Variants in GALNTL5 observed in about 807,000 individuals in gnomAD.
The protein encoded by GALNTL5 is polypeptide N-acetylgalactosaminyltransferase like 5, also known as inactive polypeptide N-acetylgalactosaminyltransferase-like protein 5.
Under a neutral mutation model 51.0 loss-of-function variants are expected in GALNTL5, and 44 were observed. That is an observed-to-expected ratio of 0.86 (90% CI 0.68 to 1.11). The LOEUF (loss-of-function observed/expected upper bound fraction) is 1.11, where lower values mean the gene tolerates loss of function less well. GALNTL5 is among the 50% of genes least tolerant of loss of function. The probability of loss-of-function intolerance (pLI) is 0.00; values close to 1 mark genes in which losing one functional copy is unlikely to be tolerated. For missense variants in GALNTL5, 528 were observed against 531.8 expected, an observed-to-expected ratio of 0.99 and a Z score of 0.07; for synonymous variants, 192 against 182.8, an observed-to-expected ratio of 1.05 and a Z score of -0.41.
At position 151,971,095 on chromosome 7, in the gene GALNTL5, CTAGA is replaced by C. The variant is rs550987811; in HGVS notation, c.368+71_368+74del. 1,346 of 1,120,586 alleles carry C rather than the reference CTAGA, an allele frequency of 1.2e-3. 17 individuals are homozygous for C. The African/African-American group carries it at 0.019, about 16-fold the overall frequency. The allele number at this position is 1,120,586 out of a possible 1,614,324, so 69.4% of individuals were successfully genotyped here. Reference sequence around the variant, plus strand: ...GTTGTCTCTCTCTTTCTCTCATTCTCTAGATAGATAGATAGATAGATAGATAGAT... The same window carrying C: ...GTTGTCTCTCTCTTTCTCTCATTCTCTAGATAGATAGATAGATAGATAGAT... On this transcript the variant is annotated intron_variant, in intron 3 of 8. Transcript: ENST00000392800.
Position 151,987,278 on chromosome 7 carries a change from T to A in GALNTL5, c.655T>A (p.Ser219Thr). The A allele has an allele frequency of 6.4e-7, 1 of 1,574,558 alleles. No individual in the cohort carries two copies. Among genetic ancestry groups the A allele is most frequent in the Non-Finnish European group, 8.6e-7 (1 of 1,167,738 alleles). Residue 219 changes from serine to threonine, a missense_variant, in exon 5 of 9, where the codon TCA becomes ACA. Physicochemically the swap from Ser to Thr is moderately conservative, Grantham distance 58 (BLOSUM62 1). Coordinates refer to ENST00000392800, the MANE Select transcript of GALNTL5 (RefSeq NM_145292.4). ...AAGGCTGATTGGAGCTTCTCATGCTTCAGGTAGGAACATTCCTGGGGACAA... is the reference window on the plus strand; with the variant it reads ...AAGGCTGATTGGAGCTTCTCATGCTACAGGTAGGAACATTCCTGGGGACAA... ...RARLIGASHASGDVLVFLDSH... is the reference protein window; with the variant it reads ...RARLIGASHATGDVLVFLDSH...
intron 5 of GALNTL5, among the ~76,000 whole-genome samples, chr7:152,001,343 A>C (rs77315024): frequency 0.045 from 6,800 of 151,878 alleles, 510 homozygotes; most frequent in African/African-American, 0.15. Context: ...CCATTGCCTC[A>C]CCTAAGGTCA....
rs981662482 is a variant in GALNTL5, at chr7:151,970,851, T to C, written c.248-94T>C. ...ATTTCCGAATTCTATTCTGGTTCTTTTAAAAAATTGTTTTGGTTATTCTAG... is the reference window on the plus strand; with the variant it reads ...ATTTCCGAATTCTATTCTGGTTCTTCTAAAAAATTGTTTTGGTTATTCTAG... On this transcript the variant is annotated intron_variant, in intron 2 of 8. Coordinates refer to ENST00000392800, the MANE Select transcript of GALNTL5 (RefSeq NM_145292.4). 3.8e-6 allele frequency: 4 copies of C among 1,053,068 alleles called. No individual in the cohort carries two copies. In the African/African-American group the frequency reaches 4.8e-5, roughly 13 times the overall value. The allele number at this position is 1,053,068 out of a possible 1,614,324, so 65.2% of individuals were successfully genotyped here.
At chr7:151,977,061 T>C (rs1408753425) in intron 3 of GALNTL5, among the ~76,000 whole-genome samples, 1 of 152,194 alleles carries the variant, frequency 6.6e-6, no homozygotes, top group South Asian at 2.1e-4. Flanking sequence ...ATTAGTAAAC[T>C]TAATAGGTAC....
Position 152,005,240 on chromosome 7 carries a change from A to C in GALNTL5, c.908+2277A>C, listed in dbSNP as rs113404480. 9.7e-3 allele frequency among the ~76,000 whole-genome samples: 1,477 copies of C among 152,238 alleles called. 21 individuals are homozygous for C. The highest frequency in any genetic ancestry group is 0.034 in the African/African-American group (1,410 of 41,520). On this transcript the variant is annotated intron_variant, in intron 6 of 8. Transcript: ENST00000392800. ...GGAAAACTTAACACACACACACACAAAAAGCAAAATCATGCCTAGGGCTTA... is the reference window on the plus strand; with the variant it reads ...GGAAAACTTAACACACACACACACACAAAGCAAAATCATGCCTAGGGCTTA...
intron 1 of GALNTL5, among the ~76,000 whole-genome samples, chr7:151,962,432 T>TTTA: frequency 7.7e-6 from 1 of 129,704 alleles, no homozygotes; most frequent in Admixed American, 8.2e-5. Flanking sequence ...TGTGATTTTT[T>TTTA]TTTCTTTTTT....
chr7:152,007,943 G>C lies in GALNTL5; in HGVS notation c.1025G>C (p.Arg342Thr), dbSNP rs2081671209. 1.4e-6 allele frequency: 2 copies of C among 1,442,656 alleles called. No individual in the cohort carries two copies. The highest frequency in any genetic ancestry group is 1.7e-5 in the Admixed American group (1 of 59,076). 89.4% of individuals were successfully genotyped at this position (1,442,656 alleles called of 1,614,324 possible). Residue 342 changes from arginine (R) to threonine (T), a missense_variant and splice_region_variant, in exon 7 of 9, where the codon AGG (arginine) becomes ACG (threonine). Coordinates refer to ENST00000392800, the MANE Select transcript of GALNTL5 (RefSeq NM_145292.4). The stretch of plus-strand genomic sequence containing the variant: ...AGAGAAAATTTGGAACTTTCACTAA[G>C]GGTAATTCAGATTTCATTTTTAAAA... The part of the protein sequence containing the change: ...WGRENLELSL[R>T]IWMCGGQLFI...
chr7:152,012,658 C>G (rs1335836239), intron 7 of GALNTL5, among the ~76,000 whole-genome samples: 2 of 152,170 alleles, frequency 1.3e-5, no homozygotes, highest in East Asian at 3.9e-4. Context: ...ATGGAATCAA[C>G]CCAGATGCCC....
At chr7:151,999,999 T>C (rs550221581) in intron 5 of GALNTL5, among the ~76,000 whole-genome samples, 4 of 152,230 alleles carry the variant, frequency 2.6e-5, no homozygotes, top group Admixed American at 6.5e-5. Flanking sequence ...AAGCTACTGC[T>C]CAAAGCCTGG....
chr7:152,005,106 G>A (rs190024574), intron 6 of GALNTL5, among the ~76,000 whole-genome samples: 12 of 152,122 alleles, frequency 7.9e-5, no homozygotes, highest in East Asian at 3.9e-4. Flanking sequence ...CCTCATCCTC[G>A]CCAGCATCTG....
At chr7:151,972,568 G>A (rs2081158399) in intron 3 of GALNTL5, among the ~76,000 whole-genome samples, 1 of 152,180 alleles carries the variant, frequency 6.6e-6, no homozygotes, top group African/African-American at 2.4e-5. Context: ...TGTTGGCCAG[G>A]CCCAGGGCCC....
chr7:152,014,652 G>A lies in GALNTL5; in HGVS notation c.1035G>A (p.Met345Ile), dbSNP rs756693575. The A allele has an allele frequency of 6.2e-7, 1 of 1,603,744 alleles. No individual in the cohort carries two copies. Among genetic ancestry groups the A allele is most frequent in the Non-Finnish European group, 8.5e-7 (1 of 1,176,790 alleles). Residue 345 changes from methionine (M) to isoleucine (I), a missense_variant, in exon 8 of 9, where the codon ATG becomes ATA. Transcript: ENST00000392800. ...GTTCTTCTTATGCCTAGATCTGGATGTGTGGAGGCCAACTCTTTATAATCC... is the reference window on the plus strand; with the variant it reads ...GTTCTTCTTATGCCTAGATCTGGATATGTGGAGGCCAACTCTTTATAATCC... ...ENLELSLRIW[M>I]CGGQLFIIPC...
At position 151,980,883 on chromosome 7, in the gene GALNTL5, C is replaced by T. The variant is rs372668092; in HGVS notation, c.369-2103C>T. Among the ~76,000 whole-genome samples, 80 of 147,824 alleles carry T rather than the reference C, an allele frequency of 5.4e-4. 1 individual carries two copies. The highest frequency in any genetic ancestry group is 4.5e-3 in the East Asian group (23 of 5,112). ...GCCTCAGCCTCCCAAGTAGCTGGGA[C>T]TACAGGCACCCGCCACTGCGCCCGG... On this transcript the variant is annotated intron_variant, in intron 3 of 8. Transcript: ENST00000392800.
At chr7:151,979,456 AT>A (rs892095553) in intron 3 of GALNTL5, among the ~76,000 whole-genome samples, 3 of 146,862 alleles carry the variant, frequency 2.0e-5, no homozygotes. Flanking sequence ...CCCAGCAAGG[AT>A]TTTTTTTGGT....
intron 5 of GALNTL5, among the ~76,000 whole-genome samples, chr7:152,001,113 A>G (rs552368617): frequency 4.0e-5 from 6 of 149,872 alleles, no homozygotes; most frequent in Middle Eastern, 3.5e-3. Context: ...GGGTTTCGCT[A>G]TGTTGGCCAG....
chr7:151,973,795 GAT>G (rs1215405877), intron 3 of GALNTL5, among the ~76,000 whole-genome samples: 1 of 152,082 alleles, frequency 6.6e-6, no homozygotes, highest in East Asian at 1.9e-4. Flanking sequence ...GGGGCAGAAT[GAT>G]ATGGTTTGGC....
intron 3 of GALNTL5, among the ~76,000 whole-genome samples, chr7:151,972,512 A>G (rs1303510023): frequency 1.4e-5 from 2 of 146,738 alleles, no homozygotes; most frequent in Non-Finnish European, 3.0e-5. Flanking sequence ...AGACCATGGC[A>G]ACTCCTCCCA....
intron 3 of GALNTL5, among the ~76,000 whole-genome samples, chr7:151,982,195 C>T (rs2081300512): frequency 6.6e-6 from 1 of 151,852 alleles, no homozygotes; most frequent in Admixed American, 6.6e-5. Context: ...GGTGGATCAC[C>T]TGAGGTCGGG....
chr7:152,001,000 G>A lies in GALNTL5; in HGVS notation c.659-1714G>A, dbSNP rs112592149. Reference sequence around the variant, plus strand: ...GGCTCACTGCAACCTCCGCCTCCTGGGGTCAAGTGATTCTCCTGCCTCAGC... The same window carrying A: ...GGCTCACTGCAACCTCCGCCTCCTGAGGTCAAGTGATTCTCCTGCCTCAGC... On this transcript the variant is annotated intron_variant, in intron 5 of 8. Transcript: ENST00000392800. Among the ~76,000 whole-genome samples, 926 of 150,048 alleles carry A rather than the reference G, an allele frequency of 6.2e-3. 3 individuals carry two copies. The highest frequency in any genetic ancestry group is 8.2e-3 in the Non-Finnish European group (553 of 67,666).
Sources: allele counts gnomAD v4.1 joint callset (sites outside exome capture counted in the v4.1 genomes callset), GRCh38; gene constraint gnomAD v4.1.1; transcripts MANE v1.5; gene names NCBI Gene and HGNC (gene_info 2026-07-23, HGNC 2026-07-21).